The following LRRTM4 variants were observed in gnomAD, a reference collection of about 807,000 sequenced individuals.
LRRTM4 encodes leucine-rich repeat transmembrane neuronal protein 4.
Under a neutral mutation model 47.6 loss-of-function variants are expected in LRRTM4, and 25 were observed. The ratio of observed to expected loss-of-function variants is 0.53; its 90% CI spans 0.38 to 0.73. The LOEUF (loss-of-function observed/expected upper bound fraction) is 0.73. Ranked by LOEUF, LRRTM4 falls within the 30% of genes least tolerant of loss-of-function variation. LRRTM4 has a pLI of 0.00. For synonymous variants in LRRTM4, 311 were observed against 269.5 expected, an observed-to-expected ratio of 1.15 and a Z score of -1.51; for missense variants, 638 against 713.4, an observed-to-expected ratio of 0.89 and a Z score of 1.20.
chr2:76,964,831 A>G (rs1478603194), intron 3 of LRRTM4, among the ~76,000 whole-genome samples: 1 of 150,880 alleles, frequency 6.6e-6, no homozygotes, highest in Non-Finnish European at 1.5e-5. Flanking sequence ...GAAGACAAAA[A>G]TTATCCATAC....
At chr2:77,133,216 T>A (rs1275206168) in intron 3 of LRRTM4, among the ~76,000 whole-genome samples, 1 of 152,186 alleles carries the variant, frequency 6.6e-6, no homozygotes, top group East Asian at 1.9e-4. Context: ...TTTTCAATTA[T>A]CTACAACAGA....
intron 3 of LRRTM4, among the ~76,000 whole-genome samples, chr2:76,909,257 C>G (rs1189280058): frequency 6.6e-6 from 1 of 152,074 alleles, no homozygotes; most frequent in Non-Finnish European, 1.5e-5. Flanking sequence ...GATTCCCTGT[C>G]TAATAAATGG....
At chr2:76,914,762 A>C (rs1375045084) in intron 3 of LRRTM4, among the ~76,000 whole-genome samples, 1 of 152,180 alleles carries the variant, frequency 6.6e-6, no homozygotes, top group Non-Finnish European at 1.5e-5. Flanking sequence ...TTGTTTGATC[A>C]CAAGTCTTAG....
intron 3 of LRRTM4, among the ~76,000 whole-genome samples, chr2:76,836,642 A>G (rs945613509): frequency 1.3e-5 from 2 of 152,054 alleles, no homozygotes; most frequent in African/African-American, 4.8e-5. Flanking sequence ...TTCTAATAAC[A>G]TTTTCCAATA....
At chr2:77,210,576 C>T (rs1449418251) in intron 3 of LRRTM4, among the ~76,000 whole-genome samples, 3 of 151,990 alleles carry the variant, frequency 2.0e-5, no homozygotes, top group African/African-American at 7.2e-5. Context: ...TTTAATTCCC[C>T]ACAATCTTTA....
At chr2:77,231,892 G>C (rs550806418) in intron 3 of LRRTM4, among the ~76,000 whole-genome samples, 1 of 152,110 alleles carries the variant, frequency 6.6e-6, no homozygotes, top group African/African-American at 2.4e-5. Context: ...ATGAAAAACT[G>C]TTTTCTGATT....
chr2:77,335,413 G>A (rs926910903), intron 3 of LRRTM4, among the ~76,000 whole-genome samples: 2 of 152,076 alleles, frequency 1.3e-5, no homozygotes, highest in African/African-American at 2.4e-5. Flanking sequence ...TCCTGACTCA[G>A]GACTTTTGCA....
rs537196327 is a variant in LRRTM4 at position 77,060,570 on chromosome 2, A to C, written c.1552-311654T>G. On this transcript the variant is annotated intron_variant, in intron 3 of 3. Coordinates refer to ENST00000409884, the MANE Select transcript of LRRTM4 (RefSeq NM_001134745.3). ...ACCCAGCATAAAAACATGGGATTAT[A>C]ATAGATAATTTAACAATTATTTTTA... 1.5e-3 allele frequency among the ~76,000 whole-genome samples: 225 copies of C among 152,322 alleles called. 1 individual carries two copies. The highest frequency in any genetic ancestry group is 5.1e-3 in the African/African-American group (214 of 41,590).
chr2:76,987,869 T>C (rs925626044), intron 3 of LRRTM4, among the ~76,000 whole-genome samples: 7 of 151,948 alleles, frequency 4.6e-5, no homozygotes, highest in African/African-American at 1.7e-4. Flanking sequence ...CCAGGAAATA[T>C]AGTCACCCAT....
chr2:77,095,890 AAG>A (rs1457834376), intron 3 of LRRTM4, among the ~76,000 whole-genome samples: 15 of 152,292 alleles, frequency 9.8e-5, no homozygotes, highest in South Asian at 6.2e-4. Flanking sequence ...TTGATGGAGA[AAG>A]AGATGTTTAT....
At chr2:77,328,199 A>T (rs144544585) in intron 3 of LRRTM4, among the ~76,000 whole-genome samples, 11 of 152,282 alleles carry the variant, frequency 7.2e-5, no homozygotes, top group African/African-American at 2.6e-4. Flanking sequence ...ATAACCTGAG[A>T]TTAAGTTAAA....
chr2:77,183,515 C>A (rs538641746), intron 3 of LRRTM4, among the ~76,000 whole-genome samples: 1 of 152,260 alleles, frequency 6.6e-6, no homozygotes, highest in Admixed American at 6.5e-5. Context: ...TTGTGGAAGT[C>A]AGTGTGGCAA....
chr2:76,843,663 A>G (rs534701519), intron 3 of LRRTM4, among the ~76,000 whole-genome samples: 6 of 152,292 alleles, frequency 3.9e-5, no homozygotes, highest in Admixed American at 3.9e-4. Context: ...AGACAAAATA[A>G]TACTATTTCT....
intron 3 of LRRTM4, among the ~76,000 whole-genome samples, chr2:77,006,353 A>G (rs1677646548): frequency 6.6e-6 from 1 of 152,190 alleles, no homozygotes; most frequent in Admixed American, 6.6e-5. Context: ...CATTTTTACT[A>G]AATCACATAC....
chr2:77,089,067 G>T (rs1043031683), intron 3 of LRRTM4, among the ~76,000 whole-genome samples: 1 of 151,822 alleles, frequency 6.6e-6, no homozygotes, highest in Non-Finnish European at 1.5e-5. Flanking sequence ...CTGATTATAC[G>T]CCCACGTTTC....
rs1359844700 is a variant in LRRTM4 at position 77,043,835 on chromosome 2, TA to T, written c.1552-294920del. Among the ~76,000 whole-genome samples the T allele has an allele frequency of 4.0e-5, 6 of 151,646 alleles. No homozygotes were observed. In the Admixed American group the frequency reaches 4.0e-4, roughly 10 times the overall value. On this transcript the variant is annotated intron_variant, in intron 3 of 3. Transcript: ENST00000409884. ...CGAATGTAAAGCTTTATATGGCAGA[TA>T]AAAAAATCAATTATAATGTCTTACA...
Position 77,391,392 on chromosome 2 carries a change from A to G in LRRTM4, c.1551+126926T>C, listed in dbSNP as rs77104731. On this transcript the variant is annotated intron_variant, in intron 3 of 3. Coordinates refer to ENST00000409884, the MANE Select transcript of LRRTM4 (RefSeq NM_001134745.3). ...TCTGTACTTTTTAAACACTGTGTAT[A>G]TTTTATTCATTAAAAATGCATTGTT... 2.8e-3 allele frequency among the ~76,000 whole-genome samples: 431 copies of G among 152,060 alleles called. 3 individuals are homozygous for G. Among genetic ancestry groups the G allele is most frequent in the African/African-American group, 0.01 (416 of 41,498 alleles).
intron 3 of LRRTM4, among the ~76,000 whole-genome samples, chr2:77,043,087 C>T (rs760560681): frequency 6.6e-6 from 1 of 151,788 alleles, no homozygotes; most frequent in Non-Finnish European, 1.5e-5. Context: ...TGCCCTTGGA[C>T]TTAGGAAGTA....
chr2:77,370,455 T>C (rs1168210715), intron 3 of LRRTM4, among the ~76,000 whole-genome samples: 1 of 151,666 alleles, frequency 6.6e-6, no homozygotes, highest in African/African-American at 2.4e-5. Flanking sequence ...TGCTTCTAAT[T>C]TGAGGAAAAT....
Sources: allele counts gnomAD v4.1 joint callset (sites outside exome capture counted in the v4.1 genomes callset), GRCh38; gene constraint gnomAD v4.1.1; transcripts MANE v1.5; gene names NCBI Gene and HGNC (gene_info 2026-07-23, HGNC 2026-07-21).